KNTC1: variants seen among roughly 807,000 people sequenced by gnomAD.
KNTC1 encodes kinetochore-associated protein 1.
KNTC1 carries 253 observed loss-of-function variants against 314.4 expected under a neutral mutation model. The ratio of observed to expected loss-of-function variants is 0.80; its 90% CI spans 0.73 to 0.89. KNTC1 has a LOEUF of 0.89. Ranked by LOEUF, KNTC1 falls within the 40% of genes least tolerant of loss-of-function variation. The pLI is 0.00. For missense variants in KNTC1, 2,475 were observed against 2,572.9 expected (o/e 0.96, Z 0.82); for synonymous variants, 901 against 901.4 (o/e 1.00, Z 0.01).
chr12:122,585,511 C>G (rs1223884711), intron 36 of KNTC1, 125 bp from the exon 37 acceptor site: 1 of 1,040,880 alleles, frequency 9.6e-7, no homozygotes, highest in African/African-American at 1.6e-5. Flanking sequence ...AGCAAGGCCT[C>G]CCTCGACATT....
chr12:122,544,124 T>G (rs777100143), intron 7 of KNTC1, 35 bp from the exon 8 acceptor site: 7 of 850,470 alleles, frequency 8.2e-6, no homozygotes, highest in African/African-American at 5.3e-5. Flanking sequence ...TAAATATGTA[T>G]TATATATATG....
chr12:122,615,617 C>G (rs1318899451), intron 57 of KNTC1, 91 bp downstream of exon 57: 13 of 1,217,918 alleles, frequency 1.1e-5, no homozygotes, highest in Admixed American at 8.7e-5. Flanking sequence ...AAGCAGTCAG[C>G]TCCTTCTTAA....
At chr12:122,601,146 A>G (rs937271618) in intron 44 of KNTC1, among the ~76,000 whole-genome samples, 3 of 150,968 alleles carry the variant, frequency 2.0e-5, no homozygotes, top group Admixed American at 1.3e-4. Context: ...GCAGTGGCGC[A>G]ATCTCAGCTC....
Position 122,557,435 on chromosome 12 carries a change from T to A in KNTC1, c.1324T>A (p.Ser442Thr), listed in dbSNP as rs1376461568. ...TATATTGGAGAAACTGGCATTGAGT[T>A]CTGTGGATGCCAGTGAACAGACCGA... ...NHILEKLALS[S>T]VDASEQTEWQ... Residue 442 changes from serine (S) to threonine (T), a missense_variant, in exon 17 of 64, where the codon TCT (serine) becomes ACT (threonine). Transcript: ENST00000333479. 3 of 1,613,350 alleles carry A rather than the reference T, an allele frequency of 1.9e-6. No homozygotes were observed. Among genetic ancestry groups the A allele is most frequent in the Non-Finnish European group, 2.5e-6 (3 of 1,179,308 alleles).
At chr12:122,561,401 A>C (rs894873722) in intron 18 of KNTC1, among the ~76,000 whole-genome samples, 8 of 152,132 alleles carry the variant, frequency 5.3e-5, no homozygotes, top group African/African-American at 1.9e-4. Context: ...TTGCAATTGC[A>C]AATAATGTCA....
Position 122,541,440 on chromosome 12 carries a change from G to A in KNTC1, c.446-610G>A, listed in dbSNP as rs1231399652. Among the ~76,000 whole-genome samples the A allele has an allele frequency of 3.3e-5, 5 of 150,712 alleles. No individual in the cohort carries two copies. In the South Asian group the frequency reaches 6.3e-4, roughly 19 times the overall value. On this transcript the variant is annotated intron_variant, in intron 5 of 63. Coordinates refer to ENST00000333479, the MANE Select transcript of KNTC1 (RefSeq NM_014708.6). ...CAGCTCACTGCAACCTCCACTACCC[G>A]GGTTCAAGCAATTCTCCTGCCTCAG...
chr12:122,573,045 G>C lies in KNTC1; in HGVS notation c.2128G>C (p.Asp710His). ...RKYNCKLALS[D>H]FEKENTTTIV... ...GTACAACTGCAAATTAGCCCTCTCTGATTTTGAGAAGGTAAAGTCCAGGGT... is the reference window on the plus strand; with the variant it reads ...GTACAACTGCAAATTAGCCCTCTCTCATTTTGAGAAGGTAAAGTCCAGGGT... Residue 710 changes from aspartate (D) to histidine (H), a missense_variant, in exon 25 of 64, where the codon GAT becomes CAT. Transcript: ENST00000333479. 1 of 1,612,304 alleles carries C rather than the reference G, an allele frequency of 6.2e-7. No individual in the cohort carries two copies. The highest frequency in any genetic ancestry group is 2.2e-5 in the East Asian group (1 of 44,836).
At position 122,547,943 on chromosome 12, in the gene KNTC1, G is replaced by C; in HGVS notation, c.961G>C (p.Ala321Pro). ...WQGITNLKLI[A>P]LTASANKKMK... ...AGGAATTACAAATCTCAAATTAATA[G>C]CTCTGACAGCTTCAGCTAATAAGAA... The change falls in exon 12 of 64, where the codon GCT (alanine) becomes CCT (proline). Residue 321 changes from alanine to proline, a missense_variant. By Grantham distance (27) the Ala-to-Pro change is conservative (BLOSUM62 -1). Coordinates refer to ENST00000333479, the MANE Select transcript of KNTC1 (RefSeq NM_014708.6). 1 of 1,551,008 alleles carries C rather than the reference G, an allele frequency of 6.4e-7. No homozygotes were observed. Among genetic ancestry groups the C allele is most frequent in the East Asian group, 2.3e-5 (1 of 43,608 alleles).
intron 18 of KNTC1, among the ~76,000 whole-genome samples, chr12:122,559,184 TAAAATACAA>T (rs1195211037): frequency 7.6e-6 from 1 of 132,318 alleles, no homozygotes; most frequent in Non-Finnish European, 1.7e-5. Flanking sequence ...CCGTCTCTAC[TAAAATACAA>T]AAAATACAAA....
rs1245546195 is a variant in KNTC1 at position 122,587,772 on chromosome 12, A to C, written c.3792A>C (p.Glu1264Asp). 1.2e-6 allele frequency: 2 copies of C among 1,613,858 alleles called. No individual in the cohort carries two copies. Among genetic ancestry groups the C allele is most frequent in the African/African-American group, 2.7e-5 (2 of 75,054 alleles). Residue 1264 changes from glutamate to aspartate, a missense_variant, in exon 39 of 64, where the codon GAA becomes GAC. By Grantham distance (45) the Glu-to-Asp change is conservative (BLOSUM62 2). Coordinates refer to ENST00000333479, the MANE Select transcript of KNTC1 (RefSeq NM_014708.6). ...SISALLQNLQESSQWELALRF... is the reference protein window; with the variant it reads ...SISALLQNLQDSSQWELALRF... ...CTGCCCTGCTTCAGAATCTTCAGGA[A>C]TCTAGCCAGTGGGAGCTAGCCCTAA...
chr12:122,582,500 A>C (rs1868560141), intron 33 of KNTC1, among the ~76,000 whole-genome samples: 1 of 152,044 alleles, frequency 6.6e-6, no homozygotes, highest in African/African-American at 2.4e-5. Context: ...TCGAAAAACT[A>C]CGCATCAGGT....
intron 6 of KNTC1, 79 bp downstream of exon 6, chr12:122,542,206 G>C (rs1962395819): frequency 2.0e-6 from 2 of 989,342 alleles, no homozygotes; most frequent in Non-Finnish European, 2.9e-6. Context: ...AAAATTTTAA[G>C]TACTCTCTTT....
chr12:122,565,368 C>T (rs1964261161), intron 20 of KNTC1, among the ~76,000 whole-genome samples: 1 of 151,746 alleles, frequency 6.6e-6, no homozygotes, highest in African/African-American at 2.4e-5. Context: ...GATCCTCCTG[C>T]CTCGGCCTCC....
At position 122,586,811 on chromosome 12, in the gene KNTC1, TTTA is replaced by T. The variant is rs1159229673; in HGVS notation, c.3730+57_3730+59del. On this transcript the variant is annotated intron_variant, in intron 38 of 63. Transcript: ENST00000333479. ...CTATTAATATTTATTTATTTATTTATTTATTTATTTTATTTTTTTGAGACAGAG... is the reference window on the plus strand; with the variant it reads ...CTATTAATATTTATTTATTTATTTATTTTATTTTATTTTTTTGAGACAGAG... 131 of 583,932 alleles carry T rather than the reference TTTA, an allele frequency of 2.2e-4. 1 individual carries two copies. Among genetic ancestry groups the T allele is most frequent in the African/African-American group, 1.4e-3 (69 of 49,478 alleles). The allele number at this position is 583,932 out of a possible 1,614,324, so 36.2% of individuals were successfully genotyped here.
chr12:122,615,610 C>G, intron 57 of KNTC1, 84 bp downstream of exon 57: 1 of 1,250,052 alleles, frequency 8.0e-7, no homozygotes, highest in Non-Finnish European at 1.1e-6. Flanking sequence ...CTGGATTAAG[C>G]AGTCAGCTCC....
chr12:122,591,304 C>A, intron 41 of KNTC1, 33 bp from the exon 42 acceptor site: 1 of 1,081,652 alleles, frequency 9.2e-7, no homozygotes, highest in South Asian at 1.2e-5. Context: ...ATTCTACTTA[C>A]GATTGAACTT....
At chr12:122,552,399 CTG>C (rs1401808051) in intron 16 of KNTC1, among the ~76,000 whole-genome samples, 6 of 152,142 alleles carry the variant, frequency 3.9e-5, no homozygotes, top group Non-Finnish European at 8.8e-5. Context: ...GTAGGGGCCT[CTG>C]TCACCCAGGC....
At chr12:122,623,346 G>A (rs74673531) in intron 62 of KNTC1, among the ~76,000 whole-genome samples, 7,305 of 152,248 alleles carry the variant, frequency 0.048, 574 homozygotes, top group African/African-American at 0.17. Context: ...GAAGTGGGCT[G>A]ACACTAAAGA....
At chr12:122,583,014 G>A (rs770832683) in intron 34 of KNTC1, 29 bp downstream of exon 34, 1 of 1,574,596 alleles carries the variant, frequency 6.4e-7, no homozygotes, top group South Asian at 1.2e-5. Flanking sequence ...GAATTGCATA[G>A]CTTCTCTGAA....
Sources: allele counts gnomAD v4.1 joint callset (sites outside exome capture counted in the v4.1 genomes callset), GRCh38; gene constraint gnomAD v4.1.1; transcripts MANE v1.5; gene names NCBI Gene and HGNC (gene_info 2026-07-23, HGNC 2026-07-21).